Variants in CLSTN2 observed in about 807,000 individuals in gnomAD.
CLSTN2 encodes calsyntenin-2.
CLSTN2 carries 48 observed loss-of-function variants against 101.2 expected under a neutral mutation model. The ratio of observed to expected loss-of-function variants is 0.47; its 90% confidence interval spans 0.38 to 0.60. The LOEUF (loss-of-function observed/expected upper bound fraction) is 0.60. Ranked by LOEUF, CLSTN2 falls within the 20% of genes least tolerant of loss-of-function variation. The pLI, the probability that CLSTN2 is intolerant of heterozygous loss-of-function variation, is 0.00. For missense variants in CLSTN2, 1,160 were observed against 1,238.2 expected (o/e 0.94, Z 0.95); for synonymous variants, 481 against 463.6 (o/e 1.04, Z -0.48).
Position 140,512,499 on chromosome 3 carries a change from T to C in CLSTN2, c.1345-19825T>C, listed in dbSNP as rs182032085. Among the ~76,000 whole-genome samples, 43 of 152,348 alleles carry C rather than the reference T, an allele frequency of 2.8e-4. No individual in the cohort carries two copies. In the East Asian group the frequency reaches 8.1e-3, roughly 29 times the overall value. ...ATGTGTGTTTTGGTTACCAGCATCA[T>C]TCTGTTTTGATTACTATAGTCTTGT... On this transcript the variant is annotated intron_variant, in intron 8 of 16. Coordinates refer to ENST00000458420, the MANE Select transcript of CLSTN2 (RefSeq NM_022131.3).
chr3:139,973,655 T>C lies in CLSTN2; in HGVS notation c.109+38172T>C, dbSNP rs183124111. On this transcript the variant is annotated intron_variant, in intron 1 of 16. Coordinates refer to ENST00000458420, the MANE Select transcript of CLSTN2 (RefSeq NM_022131.3). ...TTCTTTTCTTTCTTTCTTTTTTAAA[T>C]TGAGACAGGGTCTCTTTCTGTCACC... Among the ~76,000 whole-genome samples, 327 of 152,240 alleles carry C rather than the reference T, an allele frequency of 2.1e-3. 3 individuals carry two copies. Among genetic ancestry groups the C allele is most frequent in the African/African-American group, 7.6e-3 (315 of 41,552 alleles).
At chr3:139,987,568 T>C (rs1936047365) in intron 1 of CLSTN2, among the ~76,000 whole-genome samples, 1 of 152,216 alleles carries the variant, frequency 6.6e-6, no homozygotes, top group Non-Finnish European at 1.5e-5. Context: ...GAGCTTATAT[T>C]GCATAGGTAA....
intron 2 of CLSTN2, among the ~76,000 whole-genome samples, chr3:140,270,039 A>G (rs1045819178): frequency 3.9e-5 from 6 of 152,232 alleles, no homozygotes; most frequent in Non-Finnish European, 8.8e-5. Flanking sequence ...CTTTAAAGAC[A>G]GGGCTACATT....
intron 1 of CLSTN2, among the ~76,000 whole-genome samples, chr3:140,008,316 TATCATTGCCCCTGGC>T (rs2006999020): frequency 6.6e-6 from 1 of 152,234 alleles, no homozygotes; most frequent in African/African-American, 2.4e-5. Flanking sequence ...TTGCCCCTGG[TATCATTGCCCCTGGC>T]ATCCTTTTCT....
intron 1 of CLSTN2, among the ~76,000 whole-genome samples, chr3:140,116,249 AT>A (rs2009240705): frequency 6.6e-6 from 1 of 152,196 alleles, no homozygotes; most frequent in Non-Finnish European, 1.5e-5. Context: ...AGTAAAATTC[AT>A]TTTAAAAGGA....
chr3:140,073,780 G>A (rs1358384917), intron 1 of CLSTN2, among the ~76,000 whole-genome samples: 1 of 152,248 alleles, frequency 6.6e-6, no homozygotes, highest in Non-Finnish European at 1.5e-5. Context: ...AGGGTGCATG[G>A]TTTAACTGTG....
At chr3:140,541,548 G>C (rs113451916) in intron 9 of CLSTN2, among the ~76,000 whole-genome samples, 1 of 152,112 alleles carries the variant, frequency 6.6e-6, no homozygotes, top group Admixed American at 6.5e-5. Context: ...GGCAGCTGTC[G>C]GGATTACCTT....
At chr3:140,295,521 C>T (rs1421414127) in intron 2 of CLSTN2, among the ~76,000 whole-genome samples, 1 of 152,046 alleles carries the variant, frequency 6.6e-6, no homozygotes, top group African/African-American at 2.4e-5. Context: ...TTTGATCCAT[C>T]TGAAATTTAT....
At chr3:139,940,075 T>G (rs908812349) in intron 1 of CLSTN2, among the ~76,000 whole-genome samples, 1 of 152,184 alleles carries the variant, frequency 6.6e-6, no homozygotes, top group Non-Finnish European at 1.5e-5. Context: ...TGCCTGTGTT[T>G]CCTTGTCTGA....
At chr3:140,231,271 G>A (rs931740192) in intron 2 of CLSTN2, among the ~76,000 whole-genome samples, 6 of 152,092 alleles carry the variant, frequency 3.9e-5, no homozygotes, top group African/African-American at 1.4e-4. Context: ...CCTGGCTCCA[G>A]AGCTGTCAAT....
intron 8 of CLSTN2, among the ~76,000 whole-genome samples, chr3:140,481,530 A>G (rs1934115738): frequency 6.6e-6 from 1 of 152,166 alleles, no homozygotes; most frequent in East Asian, 1.9e-4. Flanking sequence ...TCTATAAATT[A>G]CCTTGGGCAG....
At chr3:140,319,079 C>T (rs2087258264) in intron 2 of CLSTN2, among the ~76,000 whole-genome samples, 1 of 152,182 alleles carries the variant, frequency 6.6e-6, no homozygotes, top group African/African-American at 2.4e-5. Flanking sequence ...GGCAAATTAA[C>T]TACTCTCTTA....
At chr3:140,111,128 G>A (rs1222249831) in intron 1 of CLSTN2, among the ~76,000 whole-genome samples, 4 of 152,108 alleles carry the variant, frequency 2.6e-5, no homozygotes, top group Non-Finnish European at 4.4e-5. Context: ...TTCCAAGGGG[G>A]CCAGTGATTC....
At chr3:140,034,145 T>C (rs2107761046) in intron 1 of CLSTN2, among the ~76,000 whole-genome samples, 1 of 152,344 alleles carries the variant, frequency 6.6e-6, no homozygotes, top group African/African-American at 2.4e-5. Flanking sequence ...GAGTCAACTC[T>C]CTATTTGTTT....
At chr3:140,419,966 C>G (rs1160543091) in intron 4 of CLSTN2, among the ~76,000 whole-genome samples, 6 of 148,930 alleles carry the variant, frequency 4.0e-5, no homozygotes, top group Non-Finnish European at 7.4e-5. Context: ...GATCTCTGCT[C>G]ACTACAACCT....
In CLSTN2 at chr3:140,293,042, G is replaced by A. The variant is rs1031756621; in HGVS notation, c.233-110587G>A. 3.3e-5 allele frequency among the ~76,000 whole-genome samples: 5 copies of A among 152,342 alleles called. No homozygotes were observed. In the South Asian group the frequency reaches 8.3e-4, roughly 25 times the overall value. The stretch of plus-strand genomic sequence containing the variant: ...GACCTCAGAACCAGAGTGGCACATT[G>A]ATGGAGAAGCCTAGCAAAGAGGACT... On this transcript the variant is annotated intron_variant, in intron 2 of 16. Coordinates refer to ENST00000458420, the MANE Select transcript of CLSTN2 (RefSeq NM_022131.3).
At chr3:140,236,642 G>GCT (rs1328977034) in intron 2 of CLSTN2, among the ~76,000 whole-genome samples, 2 of 152,018 alleles carry the variant, frequency 1.3e-5, no homozygotes, top group Admixed American at 1.3e-4. Flanking sequence ...GCTCACCGAT[G>GCT]CTCTATTCAC....
intron 2 of CLSTN2, among the ~76,000 whole-genome samples, chr3:140,331,488 C>A (rs186734683): frequency 6.6e-6 from 1 of 152,314 alleles, no homozygotes; most frequent in Admixed American, 6.5e-5. Flanking sequence ...CCAGGCCACA[C>A]CCTGAAGTGC....
intron 2 of CLSTN2, among the ~76,000 whole-genome samples, chr3:140,247,715 G>A (rs750848677): frequency 1.6e-4 from 25 of 152,084 alleles, no homozygotes; most frequent in Non-Finnish European, 3.7e-4. Context: ...CAGTGTGGGG[G>A]GCTCATCAAC....
Sources: allele counts gnomAD v4.1 joint callset (sites outside exome capture counted in the v4.1 genomes callset), GRCh38; gene constraint gnomAD v4.1.1; transcripts MANE v1.5; gene names NCBI Gene and HGNC (gene_info 2026-07-23, HGNC 2026-07-21).